ILRUN: variants seen among roughly 807,000 people sequenced by gnomAD.
ILRUN encodes the protein inflammation and lipid regulator with UBA-like and NBR1-like domains.
A neutral mutation model predicts 33.8 loss-of-function variants in ILRUN; 3 were observed. The observed-to-expected ratio is 0.09, with a 90% CI of 0.04 to 0.23. The LOEUF (loss-of-function observed/expected upper bound fraction) is 0.23, where lower values mean the gene tolerates loss of function less well. ILRUN is among the 10% of genes least tolerant of loss of function. The pLI, the probability that ILRUN is intolerant of heterozygous loss-of-function variation, is 1.00. For synonymous variants in ILRUN, 124 were observed against 138.9 expected, an observed-to-expected ratio of 0.89 and a Z score of 0.75; for missense variants, 210 against 375.1, an observed-to-expected ratio of 0.56 and a Z score of 3.64.
intron 2 of ILRUN, among the ~76,000 whole-genome samples, chr6:34,653,656 C>G (rs1239008701): frequency 6.6e-6 from 1 of 152,108 alleles, no homozygotes; most frequent in Non-Finnish European, 1.5e-5. Context: ...GTCTTAAACT[C>G]CTGGGCTCAA....
At chr6:34,621,733 AC>A (rs1762016997) in intron 3 of ILRUN, among the ~76,000 whole-genome samples, 2 of 151,956 alleles carry the variant, frequency 1.3e-5, no homozygotes, top group Admixed American at 1.3e-4. Context: ...ATGGTGGCGT[AC>A]CCCTGTGGTC....
At chr6:34,606,471 T>C in intron 4 of ILRUN, 84 bp downstream of exon 4, 2 of 1,098,160 alleles carry the variant, frequency 1.8e-6, no homozygotes, top group Admixed American at 2.3e-5. Flanking sequence ...GGAGCGGCAG[T>C]CTAGGATTCT....
At chr6:34,623,532 T>A (rs1008314041) in intron 3 of ILRUN, among the ~76,000 whole-genome samples, 2 of 152,112 alleles carry the variant, frequency 1.3e-5, no homozygotes, top group Admixed American at 1.3e-4. Context: ...AAAAAAAGCA[T>A]AATCTGAGTG....
At chr6:34,596,548 G>C (rs1406778435) in intron 4 of ILRUN, among the ~76,000 whole-genome samples, 1 of 152,062 alleles carries the variant, frequency 6.6e-6, no homozygotes, top group African/African-American at 2.4e-5. Flanking sequence ...CCTGACCTCA[G>C]GTGATCCACC....
At chr6:34,636,027 A>G (rs1488120673) in intron 3 of ILRUN, among the ~76,000 whole-genome samples, 1 of 152,162 alleles carries the variant, frequency 6.6e-6, no homozygotes. Context: ...GGAGGCGAAG[A>G]GGAAGAATTG....
At chr6:34,695,642 T>C (rs577449322) in intron 1 of ILRUN, among the ~76,000 whole-genome samples, 1 of 152,308 alleles carries the variant, frequency 6.6e-6, no homozygotes, top group Non-Finnish European at 1.5e-5. Context: ...AGCATTCTGG[T>C]GACCCCAGAT....
intron 1 of ILRUN, 85 bp from the exon 2 acceptor site, chr6:34,654,864 T>C: frequency 7.4e-7 from 1 of 1,355,290 alleles, no homozygotes; most frequent in Non-Finnish European, 9.9e-7. Context: ...AGCCTGTTTC[T>C]TAGGGTTTGT....
intron 3 of ILRUN, chr6:34,616,990 T>C: frequency 5.5e-6 from 3 of 547,822 alleles, no homozygotes; most frequent in South Asian, 2.8e-5. Flanking sequence ...AGCATGGTTA[T>C]GGCAAAATCA....
intron 1 of ILRUN, chr6:34,672,004 A>T (rs1363978227): frequency 6.6e-6 from 1 of 152,256 alleles, no homozygotes; most frequent in Non-Finnish European, 1.5e-5. Flanking sequence ...ATGTAGTCAC[A>T]ACACTGCATA....
At chr6:34,694,657 G>C (rs1763718155) in intron 1 of ILRUN, among the ~76,000 whole-genome samples, 1 of 152,050 alleles carries the variant, frequency 6.6e-6, no homozygotes, top group Non-Finnish European at 1.5e-5. Context: ...CCTGCATCCA[G>C]TCAAAGAGTT....
intron 2 of ILRUN, among the ~76,000 whole-genome samples, chr6:34,650,891 T>C (rs1043325233): frequency 2.0e-5 from 3 of 152,324 alleles, no homozygotes; most frequent in Middle Eastern, 6.8e-3. Flanking sequence ...AAGACAGAAG[T>C]GCCATAAAAA....
chr6:34,687,084 GA>G, intron 1 of ILRUN: 1 of 178,204 alleles, frequency 5.6e-6, no homozygotes, highest in Non-Finnish European at 1.2e-5. Context: ...GATAAGACGA[GA>G]AAGGACCAAG....
chr6:34,617,002 T>C (rs1200489855), intron 3 of ILRUN: 1 of 543,334 alleles, frequency 1.8e-6, no homozygotes, highest in Non-Finnish European at 3.6e-6. Flanking sequence ...GCAAAATCAA[T>C]AAGAAGTGAG....
intron 1 of ILRUN, among the ~76,000 whole-genome samples, chr6:34,665,870 C>T (rs1398936122): frequency 6.6e-6 from 1 of 151,522 alleles, no homozygotes; most frequent in African/African-American, 2.4e-5. Context: ...GATTAAAATA[C>T]TTTACAATTG....
chr6:34,615,456 C>CAT (rs1468005158), intron 3 of ILRUN, among the ~76,000 whole-genome samples: 1 of 152,040 alleles, frequency 6.6e-6, no homozygotes, highest in Non-Finnish European at 1.5e-5. Context: ...ATTAGCCAGG[C>CAT]ATGGTGGCAC....
chr6:34,595,530 T>A (rs1171331156), intron 4 of ILRUN, among the ~76,000 whole-genome samples: 3 of 152,126 alleles, frequency 2.0e-5, no homozygotes, highest in African/African-American at 7.2e-5. Flanking sequence ...ATCAGTAAAA[T>A]GAATGAATGA....
chr6:34,600,021 C>T (rs1169246081), intron 4 of ILRUN, among the ~76,000 whole-genome samples: 1 of 152,238 alleles, frequency 6.6e-6, no homozygotes, highest in Non-Finnish European at 1.5e-5. Context: ...CCAACCTGAT[C>T]TGAACCACTC....
intron 4 of ILRUN, among the ~76,000 whole-genome samples, chr6:34,600,474 A>G (rs973398963): frequency 6.6e-6 from 1 of 152,260 alleles, no homozygotes; most frequent in Non-Finnish European, 1.5e-5. Flanking sequence ...AATACTCAGT[A>G]TATTCAAAGG....
chr6:34,636,355 G>GA (rs1257208090), intron 3 of ILRUN, among the ~76,000 whole-genome samples: 1 of 151,648 alleles, frequency 6.6e-6, no homozygotes, highest in Non-Finnish European at 1.5e-5. Context: ...GTAAATAAAG[G>GA]AAAGTATAAG....
Sources: allele counts gnomAD v4.1 joint callset (sites outside exome capture counted in the v4.1 genomes callset), GRCh38; gene constraint gnomAD v4.1.1; transcripts MANE v1.5; gene names NCBI Gene and HGNC (gene_info 2026-07-23, HGNC 2026-07-21).